YES1: variants seen among roughly 807,000 people sequenced by gnomAD.
YES1 encodes tyrosine-protein kinase Yes.
YES1 carries 39 observed loss-of-function variants against 70.4 expected under a neutral mutation model. The observed-to-expected ratio is 0.55, with a 90% CI of 0.43 to 0.72. The LOEUF is 0.72. Ranked by LOEUF, YES1 falls within the 30% of genes least tolerant of loss-of-function variation. YES1 has a pLI of 0.00. For synonymous variants in YES1, 198 were observed against 218.6 expected, an observed-to-expected ratio of 0.91 and a Z score of 0.83; for missense variants, 495 against 644.8, an observed-to-expected ratio of 0.77 and a Z score of 2.52.
intron 1 of YES1, among the ~76,000 whole-genome samples, chr18:767,968 T>C (rs1027354092): frequency 6.6e-6 from 1 of 152,204 alleles, no homozygotes; most frequent in Admixed American, 6.5e-5. Context: ...CCCAAAGTGA[T>C]GGAATTACAG....
chr18:748,577 C>A (rs1050343912), intron 3 of YES1, among the ~76,000 whole-genome samples: 2 of 152,182 alleles, frequency 1.3e-5, no homozygotes, highest in Non-Finnish European at 2.9e-5. Flanking sequence ...AACCACTAAT[C>A]AGCTTTCTGT....
intron 4 of YES1, among the ~76,000 whole-genome samples, 192 bp downstream of exon 4, chr18:747,728 G>A (rs548810007): frequency 6.4e-4 from 97 of 152,156 alleles, no homozygotes; most frequent in African/African-American, 2.2e-3. Context: ...ATGCAGATTC[G>A]TTTATGATCC....
At chr18:781,250 C>T (rs1242992655) in intron 1 of YES1, among the ~76,000 whole-genome samples, 10 of 126,494 alleles carry the variant, frequency 7.9e-5, no homozygotes, top group Non-Finnish European at 1.1e-4. Flanking sequence ...GCCTGGGGGA[C>T]GAGAGTGAAA....
At chr18:784,625 T>C (rs983593093) in intron 1 of YES1, among the ~76,000 whole-genome samples, 4 of 152,248 alleles carry the variant, frequency 2.6e-5, no homozygotes, top group Non-Finnish European at 4.4e-5. Context: ...AATCAGTTCT[T>C]GCCCTTTCTA....
chr18:786,496 T>TACCC (rs377467123), intron 1 of YES1, among the ~76,000 whole-genome samples: 4 of 139,438 alleles, frequency 2.9e-5, no homozygotes, highest in South Asian at 2.5e-4. Flanking sequence ...AATAAGTCCA[T>TACCC]ACACACACAC....
chr18:746,513 A>G lies in YES1; in HGVS notation c.471-462T>C, dbSNP rs191266796. On this transcript the variant is annotated intron_variant, in intron 4 of 11. Transcript: ENST00000314574. ...TTTAATTTAATAAGGTTTTGTGAAT[A>G]AAATGACAGTGTCTGCTATGGAAGA... Among the ~76,000 whole-genome samples, 3 of 152,368 alleles carry G rather than the reference A, an allele frequency of 2.0e-5. No homozygotes were observed. The East Asian group carries it at 5.8e-4, about 29-fold the overall frequency.
At position 746,030 on chromosome 18, in the gene YES1, C is replaced by T; in HGVS notation, c.492G>A (p.Gly164=). The T allele has an allele frequency of 6.2e-7, 1 of 1,611,726 alleles. No individual in the cohort carries two copies. Among genetic ancestry groups the T allele is most frequent in the Non-Finnish European group, 8.5e-7 (1 of 1,179,388 alleles). Residue 164 remains glycine (G), a synonymous_variant, in exon 5 of 12, where the codon GGG becomes GGA. Coordinates refer to ENST00000314574, the MANE Select transcript of YES1 (RefSeq NM_005433.4). ...QAEEWYFGKM[G]RKDAERLLLN... is the part of the protein sequence containing the mutation. ...AAAGTAATCTTTCAGCATCTTTTCT[C>T]CCCATTTTGCCAAAATACCATCTGG...
chr18:757,468 A>C (rs927873487), intron 1 of YES1, among the ~76,000 whole-genome samples: 1 of 143,196 alleles, frequency 7.0e-6, no homozygotes, highest in Non-Finnish European at 1.5e-5. Flanking sequence ...GCGCCACTGC[A>C]CTCCAGCCTG....
At chr18:808,549 C>A in intron 1 of YES1, among the ~76,000 whole-genome samples, 1 of 152,232 alleles carries the variant, frequency 6.6e-6, no homozygotes, top group South Asian at 2.1e-4. Flanking sequence ...TAAATGTGAA[C>A]TGAAGGTGAC....
At chr18:743,830 C>T (rs1313764875) in intron 6 of YES1, among the ~76,000 whole-genome samples, 1 of 151,050 alleles carries the variant, frequency 6.6e-6, no homozygotes, top group Non-Finnish European at 1.5e-5. Flanking sequence ...CGCATGAACC[C>T]AGGAGGCAGA....
intron 3 of YES1, among the ~76,000 whole-genome samples, chr18:749,408 G>C (rs908894121): frequency 1.3e-5 from 2 of 152,038 alleles, no homozygotes; most frequent in African/African-American, 4.8e-5. Flanking sequence ...TGAGGCAGGA[G>C]AATCGCTTGA....
At chr18:765,473 A>G (rs1019959309) in intron 1 of YES1, among the ~76,000 whole-genome samples, 9 of 143,876 alleles carry the variant, frequency 6.3e-5, no homozygotes, top group African/African-American at 2.1e-4. Flanking sequence ...ATCTTGGCTC[A>G]GTGCAACCTC....
intron 1 of YES1, among the ~76,000 whole-genome samples, chr18:769,568 T>G (rs1030606432): frequency 6.6e-6 from 1 of 152,222 alleles, no homozygotes. Flanking sequence ...TTTTGTATTA[T>G]AGCAGAACTT....
At chr18:760,314 A>G (rs540838338) in intron 1 of YES1, among the ~76,000 whole-genome samples, 1 of 152,224 alleles carries the variant, frequency 6.6e-6, no homozygotes, top group Admixed American at 6.5e-5. Context: ...TACTAAAAAT[A>G]CAAAAGTTAG....
At chr18:812,744 A>G (rs1568226602), upstream of YES1, among the ~76,000 whole-genome samples, 1 of 152,108 alleles carries the variant, frequency 6.6e-6, no homozygotes, top group Non-Finnish European at 1.5e-5. Flanking sequence ...TCCTTGGCCC[A>G]GCTCTCAGTA....
At chr18:758,426 C>T (rs1193939609) in intron 1 of YES1, among the ~76,000 whole-genome samples, 3 of 152,118 alleles carry the variant, frequency 2.0e-5, no homozygotes, top group Non-Finnish European at 4.4e-5. Context: ...CCAACCTTTC[C>T]AACTTTATTT....
At chr18:773,105 C>G (rs1380513050) in intron 1 of YES1, among the ~76,000 whole-genome samples, 1 of 152,144 alleles carries the variant, frequency 6.6e-6, no homozygotes, top group Non-Finnish European at 1.5e-5. Flanking sequence ...GCTTTAATAG[C>G]TAGTAGAAAT....
chr18:783,398 C>T (rs548755624), intron 1 of YES1, among the ~76,000 whole-genome samples: 212 of 152,088 alleles, frequency 1.4e-3, no homozygotes, highest in African/African-American at 4.8e-3. Flanking sequence ...GAAACACACA[C>T]ACACACACAC....
chr18:724,791 G>T (rs895722306), intron 11 of YES1, among the ~76,000 whole-genome samples, 159 bp from the exon 12 acceptor site: 2 of 152,284 alleles, frequency 1.3e-5, no homozygotes, highest in South Asian at 2.1e-4. Flanking sequence ...AGAATATCAA[G>T]AAGAGCTTAG....
Sources: gnomAD v4.1 joint callset for allele counts (sites outside exome capture counted in the v4.1 genomes callset) on GRCh38, gnomAD v4.1.1 for gene constraint, MANE v1.5 for transcripts, NCBI Gene and HGNC (gene_info 2026-07-23, HGNC 2026-07-21) for gene names.